GPC6: variants seen among roughly 807,000 people sequenced by gnomAD.
GPC6 encodes the protein glypican-6.
GPC6 carries 14 observed loss-of-function variants against 55.2 expected under a neutral mutation model. The ratio of observed to expected loss-of-function variants is 0.25; its 90% CI spans 0.17 to 0.40. The LOEUF (loss-of-function observed/expected upper bound fraction) is 0.40, where lower values mean the gene tolerates loss of function less well. Ranked by LOEUF, GPC6 falls within the 10% of genes least tolerant of loss-of-function variation. The pLI is 1.00. For synonymous variants in GPC6, 278 were observed against 259.6 expected (o/e 1.07, Z -0.68); for missense variants, 641 against 708.5 (o/e 0.90, Z 1.08).
chr13:94,192,344 A>C (rs1223957649), intron 4 of GPC6, among the ~76,000 whole-genome samples: 1 of 152,222 alleles, frequency 6.6e-6, no homozygotes, highest in African/African-American at 2.4e-5. Context: ...TTGGGGATAA[A>C]GCCTCAGGTC....
intron 1 of GPC6, among the ~76,000 whole-genome samples, chr13:93,331,543 A>G (rs190068684): frequency 2.6e-5 from 4 of 152,302 alleles, no homozygotes; most frequent in African/African-American, 9.6e-5. Flanking sequence ...TTTATCTTAT[A>G]TAAGCATATG....
intron 3 of GPC6, among the ~76,000 whole-genome samples, chr13:93,990,748 A>G (rs569681642): frequency 6.6e-5 from 10 of 151,112 alleles, no homozygotes; most frequent in African/African-American, 2.4e-4. Flanking sequence ...GCCTGTTCCT[A>G]GCTACTTGGG....
At chr13:93,921,238 G>A (rs555240354) in intron 3 of GPC6, among the ~76,000 whole-genome samples, 1 of 152,256 alleles carries the variant, frequency 6.6e-6, no homozygotes, top group Non-Finnish European at 1.5e-5. Context: ...CGGGAGTCGG[G>A]CCAAGTGCTT....
chr13:93,496,222 C>G (rs1053419334), intron 1 of GPC6, among the ~76,000 whole-genome samples: 2 of 152,192 alleles, frequency 1.3e-5, no homozygotes, highest in African/African-American at 4.8e-5. Context: ...GATATAGTCT[C>G]GTGGTGCGCC....
intron 1 of GPC6, among the ~76,000 whole-genome samples, chr13:93,277,185 G>A (rs1010730773): frequency 2.6e-5 from 4 of 152,008 alleles, no homozygotes; most frequent in Non-Finnish European, 4.4e-5. Flanking sequence ...TAATTTTACC[G>A]TGGGTGAAGG....
intron 2 of GPC6, among the ~76,000 whole-genome samples, chr13:93,792,396 C>G (rs1352564594): frequency 6.6e-6 from 1 of 152,230 alleles, no homozygotes; most frequent in African/African-American, 2.4e-5. Context: ...CTGCAGCCTC[C>G]GCCTCCCAGG....
chr13:94,339,386 A>T (rs1420105787), intron 6 of GPC6, among the ~76,000 whole-genome samples: 2 of 151,936 alleles, frequency 1.3e-5, no homozygotes, highest in Admixed American at 1.3e-4. Context: ...TTTCTTTCCT[A>T]ATCACTCCCT....
intron 3 of GPC6, among the ~76,000 whole-genome samples, chr13:93,875,543 G>A (rs1328271713): frequency 6.6e-6 from 1 of 151,976 alleles, no homozygotes; most frequent in African/African-American, 2.4e-5. Context: ...CATGCACAAA[G>A]GTAAGATGCG....
intron 2 of GPC6, among the ~76,000 whole-genome samples, chr13:93,720,974 A>G (rs2138822714): frequency 6.6e-6 from 1 of 152,072 alleles, no homozygotes; most frequent in South Asian, 2.1e-4. Context: ...GGAGTGTTTT[A>G]CTTCCAATTA....
At chr13:94,252,424 G>T (rs1891379760) in intron 4 of GPC6, among the ~76,000 whole-genome samples, 1 of 152,090 alleles carries the variant, frequency 6.6e-6, no homozygotes, top group African/African-American at 2.4e-5. Flanking sequence ...TATTTATTTT[G>T]TCATGATTAC....
At chr13:93,431,050 T>C (rs1877338670) in intron 1 of GPC6, among the ~76,000 whole-genome samples, 1 of 152,158 alleles carries the variant, frequency 6.6e-6, no homozygotes, top group Admixed American at 6.6e-5. Context: ...TTATTTTGTT[T>C]TTTATAAAAT....
At chr13:93,434,448 T>G (rs956125111) in intron 1 of GPC6, among the ~76,000 whole-genome samples, 5 of 152,046 alleles carry the variant, frequency 3.3e-5, no homozygotes, top group Non-Finnish European at 5.9e-5. Flanking sequence ...GTGGGGACAG[T>G]GAGGAATAGG....
rs76203667 is a variant in GPC6, at chr13:94,218,157, T to G, written c.878-68192T>G. Among the ~76,000 whole-genome samples the G allele has an allele frequency of 9.2e-3, 1,404 of 152,284 alleles. 13 individuals are homozygous for G. The highest frequency in any genetic ancestry group is 0.051 in the Middle Eastern group (15 of 294). On this transcript the variant is annotated intron_variant, in intron 4 of 8. Coordinates refer to ENST00000377047, the MANE Select transcript of GPC6 (RefSeq NM_005708.5). ...TGCTATTTTGTAAGTGAAACTCCAGTGAACTGAAATTGCTTGATAAGATCA... is the reference window on the plus strand; with the variant it reads ...TGCTATTTTGTAAGTGAAACTCCAGGGAACTGAAATTGCTTGATAAGATCA...
intron 1 of GPC6, among the ~76,000 whole-genome samples, chr13:93,376,017 G>A (rs1874879035): frequency 6.6e-6 from 1 of 150,568 alleles, no homozygotes; most frequent in Admixed American, 6.6e-5. Flanking sequence ...GAGTCCAGTT[G>A]GTTATTTGTG....
intron 2 of GPC6, among the ~76,000 whole-genome samples, chr13:93,622,734 A>G (rs1879011321): frequency 6.6e-6 from 1 of 152,200 alleles, no homozygotes; most frequent in African/African-American, 2.4e-5. Context: ...TTATTACCTC[A>G]AAGATATCAT....
rs573346678 is a variant in GPC6, at chr13:93,978,568, T to C, written c.712-49161T>C. ...CATCTACAGATACATATTATACACA[T>C]GCATACACACATATACACATATATA... On this transcript the variant is annotated intron_variant, in intron 3 of 8. Transcript: ENST00000377047. 7.1e-4 allele frequency among the ~76,000 whole-genome samples: 108 copies of C among 152,272 alleles called. 1 individual carries two copies. Among genetic ancestry groups the C allele is most frequent in the Admixed American group, 2.2e-3 (33 of 15,286 alleles).
rs1238963806 is a variant in GPC6 at position 93,389,569 on chromosome 13, T to TATGTATGTATATATGTATACACACAGA, written c.161-155653_161-155627dup. ...ATATGTAAATGGTACCATTTATATGTATGTATGTATATATGTATACACACA... is the reference window on the plus strand; with the variant it reads ...ATATGTAAATGGTACCATTTATATGTATGTATGTATATATGTATACACACAGAATGTATGTATATATGTATACACACA... On this transcript the variant is annotated intron_variant, in intron 1 of 8. Coordinates refer to ENST00000377047, the MANE Select transcript of GPC6 (RefSeq NM_005708.5). Among the ~76,000 whole-genome samples, 1,427 of 151,040 alleles carry TATGTATGTATATATGTATACACACAGA rather than the reference T, an allele frequency of 9.4e-3. 84 individuals carry two copies. In the East Asian group the frequency reaches 0.12, roughly 13 times the overall value.
chr13:94,319,510 A>G (rs1189873153), intron 6 of GPC6, among the ~76,000 whole-genome samples: 1 of 152,158 alleles, frequency 6.6e-6, no homozygotes, highest in Non-Finnish European at 1.5e-5. Context: ...ACATTTTACC[A>G]CTTTCTTTGG....
chr13:94,122,725 A>G (rs1047168589), intron 4 of GPC6, among the ~76,000 whole-genome samples: 2 of 152,074 alleles, frequency 1.3e-5, no homozygotes, highest in Admixed American at 1.3e-4. Flanking sequence ...CTATTTCCAT[A>G]TTTTAAATTG....
Sources: allele counts gnomAD v4.1 joint callset (sites outside exome capture counted in the v4.1 genomes callset), GRCh38; gene constraint gnomAD v4.1.1; transcripts MANE v1.5; gene names NCBI Gene and HGNC (gene_info 2026-07-23, HGNC 2026-07-21).